GREB1: variants seen among roughly 807,000 people sequenced by gnomAD.
GREB1 encodes protein GREB1.
A neutral mutation model predicts 200.7 loss-of-function variants in GREB1; 106 were observed. The ratio of observed to expected loss-of-function variants is 0.53; its 90% confidence interval spans 0.45 to 0.62. The LOEUF is 0.62. GREB1 is among the 20% of genes least tolerant of loss of function. The pLI, the probability that GREB1 is intolerant of heterozygous loss-of-function variation, is 0.00. For synonymous variants in GREB1, 1,132 were observed against 1,092.4 expected (o/e 1.04, Z -0.72); for missense variants, 2,243 against 2,556.8 (o/e 0.88, Z 2.65).
chr2:11,637,849 C>T lies in GREB1; in HGVS notation c.5480C>T (p.Pro1827Leu), dbSNP rs776975705. 8.7e-6 allele frequency: 14 copies of T among 1,614,104 alleles called. No individual in the cohort carries two copies. Among genetic ancestry groups the T allele is most frequent in the Admixed American group, 1.7e-5 (1 of 60,012 alleles). Residue 1827 changes from proline (P) to leucine (L), a missense_variant, in exon 31 of 33, where the codon CCG becomes CTG. Pro to Leu is a moderately conservative substitution (Grantham distance 98, BLOSUM62 -3). Around this residue, in one of 3 missense-constraint regions of GREB1, gnomAD observed 478 missense variants for 616.3 expected, o/e 0.78. Transcript: ENST00000381486. Reference sequence around the variant, plus strand: ...CAGCACCACAGCCACCTCTTCTTCCCGCTGTCCCTGAAGAACCATGACCAC... The same window carrying T: ...CAGCACCACAGCCACCTCTTCTTCCTGCTGTCCCTGAAGAACCATGACCAC... ...FLQHHSHLFF[P>L]LSLKNHDHPV... is the part of the protein sequence containing the mutation.
chr2:11,580,649 C>A lies in GREB1; in HGVS notation c.773-55C>A. 1 of 1,541,934 alleles carries A rather than the reference C, an allele frequency of 6.5e-7. No individual in the cohort carries two copies. The highest frequency in any genetic ancestry group is 8.8e-7 in the Non-Finnish European group (1 of 1,142,510). On this transcript the variant is annotated intron_variant, in intron 6 of 32. Transcript: ENST00000381486. This position sits in a 1 kb window ranked among gnomAD's most constrained non-coding sequence, Gnocchi z 4.5. Reference sequence around the variant, plus strand: ...GGAAAATGATTTCCTCCTTGCCTGGCTCCCAGGGCATTCTTGTGAACTGAC... The same window carrying A: ...GGAAAATGATTTCCTCCTTGCCTGGATCCCAGGGCATTCTTGTGAACTGAC...
intron 32 of GREB1, 84 bp downstream of exon 32, chr2:11,638,893 G>A: frequency 1.4e-6 from 2 of 1,393,292 alleles, no homozygotes; most frequent in Non-Finnish European, 2.0e-6. Context: ...TTTGGTCCTA[G>A]TCCTTATTTG....
chr2:11,497,018 A>T (rs1199531590), intron 1 of GREB1, among the ~76,000 whole-genome samples: 3 of 152,068 alleles, frequency 2.0e-5, no homozygotes, highest in African/African-American at 7.2e-5. Context: ...GCTGGTCTTG[A>T]ACTCCTGGCC....
chr2:11,578,056 T>G (rs983946170), intron 5 of GREB1, among the ~76,000 whole-genome samples: 1 of 152,210 alleles, frequency 6.6e-6, no homozygotes, highest in African/African-American at 2.4e-5. Context: ...CCCTTTCTTC[T>G]AAATACTCAC....
At chr2:11,491,450 C>T (rs1672772384) in intron 1 of GREB1, among the ~76,000 whole-genome samples, 1 of 152,170 alleles carries the variant, frequency 6.6e-6, no homozygotes, top group Non-Finnish European at 1.5e-5. Context: ...AAAAAGCTTA[C>T]TAAAGGTTTT....
chr2:11,489,305 A>C (rs1360490597), intron 1 of GREB1, among the ~76,000 whole-genome samples: 1 of 152,102 alleles, frequency 6.6e-6, no homozygotes, highest in African/African-American at 2.4e-5. Context: ...AATTAGCCAC[A>C]AAAATTAGCC....
At chr2:11,499,936 CT>C (rs1672983884) in intron 1 of GREB1, among the ~76,000 whole-genome samples, 1 of 151,710 alleles carries the variant, frequency 6.6e-6, no homozygotes, top group Non-Finnish European at 1.5e-5. Flanking sequence ...AGAATTGTTG[CT>C]TTAAAAAAAT....
At chr2:11,520,071 G>A (rs928465994) in intron 1 of GREB1, among the ~76,000 whole-genome samples, 2 of 152,152 alleles carry the variant, frequency 1.3e-5, no homozygotes, top group African/African-American at 4.8e-5. Context: ...CCAGGAGGTC[G>A]AGGCTGCAGT....
intron 22 of GREB1, among the ~76,000 whole-genome samples, chr2:11,620,595 A>AT (rs376396149): frequency 1.7e-4 from 26 of 152,210 alleles, no homozygotes; most frequent in African/African-American, 6.0e-4. Context: ...ATAGTATCCT[A>AT]TTTTTTTGAA....
intron 16 of GREB1, 57 bp from the exon 17 acceptor site, chr2:11,602,349 C>G: frequency 6.4e-7 from 1 of 1,562,700 alleles, no homozygotes; most frequent in Admixed American, 1.7e-5. Context: ...GCACACGAAC[C>G]TCTGACCGTC....
chr2:11,493,349 G>T lies in GREB1; in HGVS notation c.-159+10968G>T, dbSNP rs1672811023. On this transcript the variant is annotated intron_variant, in intron 1 of 2. Coordinates refer to the GREB1 transcript ENST00000628795. The surrounding 1 kb of genome is among the most constrained non-coding windows in gnomAD (Gnocchi z 4.6). The stretch of plus-strand genomic sequence containing the variant: ...AAACTATTCCACCTCAGATCATCAG[G>T]TATTAGATTCTCATAAGGAGCGTGC... Among the ~76,000 whole-genome samples, 1 of 152,144 alleles carries T rather than the reference G, an allele frequency of 6.6e-6. No individual in the cohort carries two copies. Among genetic ancestry groups the T allele is most frequent in the East Asian group, 1.9e-4 (1 of 5,190 alleles).
At chr2:11,595,902 G>T (rs1681163517) in intron 12 of GREB1, among the ~76,000 whole-genome samples, 1 of 152,014 alleles carries the variant, frequency 6.6e-6, no homozygotes. Context: ...TTCTGCCCTA[G>T]CACCTGCTAT....
intron 1 of GREB1, among the ~76,000 whole-genome samples, chr2:11,508,414 C>T (rs1006357240): frequency 5.9e-5 from 9 of 152,224 alleles, no homozygotes; most frequent in Admixed American, 4.6e-4. Context: ...CAAAGAACAG[C>T]GCCCTGCGTG....
intron 10 of GREB1, among the ~76,000 whole-genome samples, chr2:11,589,534 G>A (rs1012817210): frequency 2.6e-5 from 4 of 152,162 alleles, no homozygotes; most frequent in Admixed American, 6.5e-5. Flanking sequence ...AGAGGGGGCC[G>A]GCTCCGGTCA....
intron 1 of GREB1, among the ~76,000 whole-genome samples, chr2:11,483,336 G>A (rs1672559605): frequency 7.6e-6 from 1 of 130,828 alleles, no homozygotes; most frequent in African/African-American, 2.8e-5. Flanking sequence ...GCGCGTGTGT[G>A]TGTGTGAGAG....
chr2:11,530,202 C>T (rs1442711338), upstream of GREB1, among the ~76,000 whole-genome samples: 2 of 152,012 alleles, frequency 1.3e-5, no homozygotes, highest in Non-Finnish European at 2.9e-5. Context: ...GCTGGGACTA[C>T]AGGTGCAAGC....
intron 1 of GREB1, among the ~76,000 whole-genome samples, chr2:11,503,217 G>A (rs1673094758): frequency 6.6e-6 from 1 of 152,068 alleles, no homozygotes; most frequent in Non-Finnish European, 1.5e-5. Flanking sequence ...CATCCCAGAG[G>A]GACAATTCTC....
intron 29 of GREB1, among the ~76,000 whole-genome samples, chr2:11,634,727 G>A (rs1392710539): frequency 1.3e-5 from 2 of 152,136 alleles, no homozygotes; most frequent in Non-Finnish European, 2.9e-5. Flanking sequence ...CAGTGTTCAC[G>A]GAGTACCTCT....
Position 11,640,617 on chromosome 2 carries a change from C to A in GREB1, c.*163C>A. 1 of 750,918 alleles carries A rather than the reference C, an allele frequency of 1.3e-6. No homozygotes were observed. The highest frequency in any genetic ancestry group is 2.1e-6 in the Non-Finnish European group (1 of 468,434). 46.5% of individuals were successfully genotyped at this position (750,918 alleles called of 1,614,324 possible). A position where few individuals can be genotyped will look rare whatever the true frequency, so the allele number is the denominator to read the frequency against. ...CACATGGGCCCCCGAGGCCGTGGTCCTGGGAGCCAGGAAGACTCCGCAGTG... is the reference window on the plus strand; with the variant it reads ...CACATGGGCCCCCGAGGCCGTGGTCATGGGAGCCAGGAAGACTCCGCAGTG... On this transcript the variant is annotated 3_prime_UTR_variant, in exon 33 of 33. Transcript: ENST00000381486. This position sits in a 1 kb window ranked among gnomAD's most constrained non-coding sequence, Gnocchi z 4.6.
Sources: gnomAD v4.1 joint callset for allele counts (sites outside exome capture counted in the v4.1 genomes callset) on GRCh38, gnomAD v4.1.1 for gene constraint, gnomAD v4.1.1 regional missense constraint, Gnocchi (gnomAD v3.1) non-coding constraint, MANE v1.5 for transcripts, NCBI Gene and HGNC (gene_info 2026-07-23, HGNC 2026-07-21) for gene names.